The following LRRC4C variants were observed in gnomAD, a reference collection of about 807,000 sequenced individuals.
The protein encoded by LRRC4C is leucine-rich repeat-containing protein 4C.
In LRRC4C, 5 loss-of-function variants were observed where a neutral mutation model predicts 33.6. The ratio of observed to expected loss-of-function variants is 0.15; its 90% confidence interval spans 0.08 to 0.31. LRRC4C has a LOEUF of 0.31. Among genes scored for constraint, LRRC4C ranks in the 10% least tolerant of loss-of-function variants. The probability of loss-of-function intolerance (pLI) is 1.00; values close to 1 mark genes in which losing one functional copy is unlikely to be tolerated. For synonymous variants in LRRC4C, 329 were observed against 302.0 expected, an observed-to-expected ratio of 1.09 and a Z score of -0.93; for missense variants, 560 against 796.7, an observed-to-expected ratio of 0.70 and a Z score of 3.58.
At position 41,339,276 on chromosome 11, in the gene LRRC4C, G is replaced by T. The variant is rs78463885; in HGVS notation, c.-496+120155C>A. ...TACCAAGATTCTACCTAAATAAATA[G>T]CCCTGCCCTTGAATAAGTCATTAGA... On this transcript the variant is annotated intron_variant, in intron 1 of 6. Transcript: ENST00000528697. Among the ~76,000 whole-genome samples, 53 of 152,194 alleles carry T rather than the reference G, an allele frequency of 3.5e-4. 1 individual carries two copies. In the East Asian group the frequency reaches 9.5e-3, roughly 27 times the overall value.
chr11:41,134,302 C>G (rs554446209), intron 1 of LRRC4C, among the ~76,000 whole-genome samples: 3 of 152,216 alleles, frequency 2.0e-5, no homozygotes, highest in East Asian at 3.9e-4. Context: ...CAGACTCTCT[C>G]TGTGCTGAAC....
At chr11:40,489,728 C>G (rs1249855547) in intron 3 of LRRC4C, among the ~76,000 whole-genome samples, 1 of 151,998 alleles carries the variant, frequency 6.6e-6, no homozygotes, top group Non-Finnish European at 1.5e-5. Flanking sequence ...TTTTCACTTC[C>G]AGCTATGAGA....
At chr11:40,332,276 T>G (rs192595286) in intron 3 of LRRC4C, among the ~76,000 whole-genome samples, 2 of 152,322 alleles carry the variant, frequency 1.3e-5, no homozygotes, top group East Asian at 3.9e-4. Flanking sequence ...CTCTTCTTGC[T>G]TTTAGTAACT....
intron 1 of LRRC4C, among the ~76,000 whole-genome samples, chr11:41,169,100 T>A (rs145004845): frequency 6.6e-6 from 1 of 152,204 alleles, no homozygotes. Context: ...AACCAGATTG[T>A]CTTTGAAGTT....
intron 1 of LRRC4C, among the ~76,000 whole-genome samples, chr11:41,069,090 C>A (rs945808448): frequency 6.6e-6 from 1 of 152,168 alleles, no homozygotes; most frequent in Non-Finnish European, 1.5e-5. Context: ...TTGGCTTTAT[C>A]CCTGGGATGC....
chr11:40,247,418 C>T (rs1481423084), intron 4 of LRRC4C, among the ~76,000 whole-genome samples: 1 of 152,114 alleles, frequency 6.6e-6, no homozygotes, highest in Non-Finnish European at 1.5e-5. Context: ...TTTCAGATCG[C>T]AATGGGTTAA....
chr11:41,021,573 T>C (rs1187076120), intron 1 of LRRC4C, among the ~76,000 whole-genome samples: 2 of 152,098 alleles, frequency 1.3e-5, no homozygotes, highest in Non-Finnish European at 2.9e-5. Context: ...CGTTCAAATC[T>C]ATTATATCAC....
chr11:40,887,027 A>AT (rs1565170529), intron 2 of LRRC4C, among the ~76,000 whole-genome samples: 2 of 150,436 alleles, frequency 1.3e-5, no homozygotes, highest in East Asian at 2.0e-4. Flanking sequence ...CATACGAGAA[A>AT]ATATATATAT....
chr11:40,876,529 T>C (rs530821280), intron 2 of LRRC4C, among the ~76,000 whole-genome samples: 3 of 152,120 alleles, frequency 2.0e-5, no homozygotes, highest in African/African-American at 7.2e-5. Context: ...GTTGAGCAGG[T>C]TGAATATTTC....
rs144664529 is a variant in LRRC4C at position 40,516,115 on chromosome 11, C to A, written c.-270+132027G>T. ...ATAATATTTGAGAAAGCAAATTATTCCTAATACTATAGTGGCATTACTTGC... is the reference window on the plus strand; with the variant it reads ...ATAATATTTGAGAAAGCAAATTATTACTAATACTATAGTGGCATTACTTGC... On this transcript the variant is annotated intron_variant, in intron 3 of 6. Coordinates refer to ENST00000528697, the MANE Select transcript of LRRC4C (RefSeq NM_001258419.2). Among the ~76,000 whole-genome samples the A allele has an allele frequency of 9.8e-3, 1,487 of 151,786 alleles. 18 individuals carry two copies. The highest frequency in any genetic ancestry group is 0.03 in the African/African-American group (1,256 of 41,442).
intron 2 of LRRC4C, among the ~76,000 whole-genome samples, chr11:40,825,149 T>C (rs1465667138): frequency 6.6e-6 from 1 of 151,986 alleles, no homozygotes; most frequent in East Asian, 1.9e-4. Context: ...AAAACGAGAC[T>C]CAGGGAAGTT....
rs540854369 is a variant in LRRC4C at position 40,151,306 on chromosome 11, C to T, written c.-95-10453G>A. 1.2e-4 allele frequency among the ~76,000 whole-genome samples: 18 copies of T among 152,182 alleles called. No individual in the cohort carries two copies. In the South Asian group the frequency reaches 3.5e-3, roughly 30 times the overall value. ...GGGATTTTTTCCATTTTATTTAGAT[C>T]GAGGTGATTGAAAACTCTTTGAAAA... is the stretch of plus-strand genomic sequence containing the variant. On this transcript the variant is annotated intron_variant, in intron 5 of 6. Coordinates refer to ENST00000528697, the MANE Select transcript of LRRC4C (RefSeq NM_001258419.2).
chr11:40,766,582 T>C lies in LRRC4C; in HGVS notation c.-406-118304A>G, dbSNP rs1373586814. Among the ~76,000 whole-genome samples, 3 of 151,816 alleles carry C rather than the reference T, an allele frequency of 2.0e-5. No homozygotes were observed. In the East Asian group the frequency reaches 5.8e-4, roughly 29 times the overall value. ...CTCAGACTATATAAAAAGATATACA[T>C]AGAAACAATAAAAACTTGAAAAGTT... On this transcript the variant is annotated intron_variant, in intron 2 of 6. Coordinates refer to ENST00000528697, the MANE Select transcript of LRRC4C (RefSeq NM_001258419.2).
Position 41,436,358 on chromosome 11 carries a change from A to T in LRRC4C, c.-496+23073T>A, listed in dbSNP as rs371664337. Among the ~76,000 whole-genome samples, 21 of 152,320 alleles carry T rather than the reference A, an allele frequency of 1.4e-4. 1 individual carries two copies. The East Asian group carries it at 3.9e-3, about 28-fold the overall frequency. ...CACCCTTTAAAAGAAGAGTGGCAGG[A>T]CCATGTTATTTCTCAAGATATTTTG... On this transcript the variant is annotated intron_variant, in intron 1 of 6. Coordinates refer to ENST00000528697, the MANE Select transcript of LRRC4C (RefSeq NM_001258419.2).
At chr11:41,224,214 G>A (rs995812825) in intron 1 of LRRC4C, among the ~76,000 whole-genome samples, 2 of 152,178 alleles carry the variant, frequency 1.3e-5, no homozygotes, top group Non-Finnish European at 2.9e-5. Flanking sequence ...GGAATCATCT[G>A]TTCTTTTTAC....
chr11:41,306,067 T>C (rs1029615691), intron 1 of LRRC4C, among the ~76,000 whole-genome samples: 1 of 150,990 alleles, frequency 6.6e-6, no homozygotes, highest in Non-Finnish European at 1.5e-5. Context: ...ATTAAATTAC[T>C]GTTTGTTTTG....
intron 1 of LRRC4C, among the ~76,000 whole-genome samples, chr11:41,125,556 A>G (rs578114833): frequency 6.6e-6 from 1 of 152,134 alleles, no homozygotes; most frequent in Non-Finnish European, 1.5e-5. Context: ...ACAAAAACAT[A>G]GATTGAAAAA....
At chr11:40,249,559 A>G (rs1464564146) in intron 4 of LRRC4C, among the ~76,000 whole-genome samples, 9 of 149,522 alleles carry the variant, frequency 6.0e-5, no homozygotes, top group Admixed American at 1.3e-4. Context: ...TAAATATTAT[A>G]TATACTACAT....
chr11:41,140,771 C>A (rs993694664), intron 1 of LRRC4C, among the ~76,000 whole-genome samples: 2 of 124,230 alleles, frequency 1.6e-5, no homozygotes, highest in African/African-American at 5.7e-5. Flanking sequence ...AGAAATTATC[C>A]TCTCCCCTAG....
Sources: gnomAD v4.1 joint callset for allele counts (sites outside exome capture counted in the v4.1 genomes callset) on GRCh38, gnomAD v4.1.1 for gene constraint, MANE v1.5 for transcripts, NCBI Gene and HGNC (gene_info 2026-07-23, HGNC 2026-07-21) for gene names.